Variants in IL1RAPL1 observed in about 807,000 individuals in gnomAD.
IL1RAPL1 encodes interleukin 1 receptor accessory protein like 1.
A neutral mutation model predicts 48.4 loss-of-function variants in IL1RAPL1; 3 were observed. That is an observed-to-expected ratio of 0.06 (90% CI 0.03 to 0.16). The LOEUF is 0.16. IL1RAPL1 is among the 10% of genes least tolerant of loss of function. The probability of loss-of-function intolerance (pLI) is 1.00; values close to 1 mark genes in which losing one functional copy is unlikely to be tolerated. For synonymous variants in IL1RAPL1, 185 were observed against 187.7 expected (o/e 0.99, Z 0.12); for missense variants, 349 against 530.6 (o/e 0.66, Z 3.36).
intron 2 of IL1RAPL1, among the ~76,000 whole-genome samples, chrX:29,231,037 A>G (rs1228389172): frequency 4.5e-5 from 5 of 112,131 alleles, no homozygotes; most frequent in Non-Finnish European, 9.4e-5. Flanking sequence ...CTGCTACAAG[A>G]TATTAGGATT....
rs554016465 is a variant in IL1RAPL1 at position 29,705,188 on chromosome X, T to G, written c.778+36684T>G. 3.6e-5 allele frequency among the ~76,000 whole-genome samples: 4 copies of G among 112,407 alleles called. No homozygotes were observed. The South Asian group carries it at 1.5e-3, about 41-fold the overall frequency. On this transcript the variant is annotated intron_variant, in intron 6 of 10. Transcript: ENST00000378993. ...AATAATAATGAGCAACTGTGCTTTA[T>G]ACACTATTTCGTGTCTATTACTTCT...
chrX:28,645,117 G>A (rs1934592076), intron 1 of IL1RAPL1, among the ~76,000 whole-genome samples: 1 of 109,753 alleles, frequency 9.1e-6, no homozygotes, highest in Non-Finnish European at 1.9e-5. Context: ...GGAGGCCGAG[G>A]TGGGTGGATC....
chrX:29,353,570 C>T (rs1438336027), intron 3 of IL1RAPL1, among the ~76,000 whole-genome samples: 4 of 110,919 alleles, frequency 3.6e-5, no homozygotes, highest in Non-Finnish European at 7.6e-5. Context: ...TACTTAGAAA[C>T]AATAGGGAAA....
intron 6 of IL1RAPL1, among the ~76,000 whole-genome samples, chrX:29,909,713 T>G (rs906050174): frequency 1.8e-5 from 2 of 111,906 alleles, no homozygotes; most frequent in Non-Finnish European, 3.8e-5. Context: ...ATGGCCATAC[T>G]GCCCAAAACA....
chrX:28,635,227 T>A (rs1264604631), intron 1 of IL1RAPL1, among the ~76,000 whole-genome samples: 1 of 112,256 alleles, frequency 8.9e-6, no homozygotes, highest in South Asian at 3.7e-4. Flanking sequence ...GTTTAAGCCA[T>A]TTTTTGTTTC....
At chrX:28,876,728 A>T (rs1922382487) in intron 2 of IL1RAPL1, among the ~76,000 whole-genome samples, 1 of 103,444 alleles carries the variant, frequency 9.7e-6, no homozygotes, top group Admixed American at 1.1e-4. Flanking sequence ...TATTGAATGA[A>T]ATGCACCCTC....
chrX:29,432,159 C>T (rs752756303), intron 5 of IL1RAPL1, among the ~76,000 whole-genome samples: 4 of 111,581 alleles, frequency 3.6e-5, no homozygotes, highest in Non-Finnish European at 7.6e-5. Context: ...TTCCCCTCAG[C>T]TTGACTAACT....
chrX:29,699,697 A>G (rs781361297), intron 6 of IL1RAPL1, among the ~76,000 whole-genome samples: 38 of 112,010 alleles, frequency 3.4e-4, no homozygotes, highest in African/African-American at 1.2e-3. Flanking sequence ...CCTAATCAAG[A>G]CTTTGTTCTG....
intron 1 of IL1RAPL1, among the ~76,000 whole-genome samples, chrX:28,700,585 G>T (rs1935284631): frequency 9.3e-6 from 1 of 108,007 alleles, no homozygotes; most frequent in African/African-American, 3.4e-5. Context: ...TGCAAAACGT[G>T]CAGGTTTGTT....
chrX:29,314,802 TA>T (rs779230603), intron 3 of IL1RAPL1, among the ~76,000 whole-genome samples: 43 of 112,456 alleles, frequency 3.8e-4, no homozygotes, highest in Non-Finnish European at 7.3e-4. Context: ...TCACAGTAGT[TA>T]CTCTTAAAGT....
intron 2 of IL1RAPL1, among the ~76,000 whole-genome samples, chrX:29,152,104 T>A (rs1313796139): frequency 1.8e-5 from 2 of 111,208 alleles, no homozygotes; most frequent in Non-Finnish European, 3.8e-5. Flanking sequence ...AGGAGCAAAG[T>A]CACGTCTTAC....
chrX:29,259,359 G>T (rs1235230166), intron 2 of IL1RAPL1, among the ~76,000 whole-genome samples: 1 of 111,215 alleles, frequency 9.0e-6, no homozygotes, highest in Non-Finnish European at 1.9e-5. Flanking sequence ...ACTGGATTTC[G>T]TAGTCAAATC....
chrX:28,689,879 T>C (rs1449893883), intron 1 of IL1RAPL1, among the ~76,000 whole-genome samples: 1 of 111,750 alleles, frequency 8.9e-6, no homozygotes, highest in East Asian at 2.8e-4. Context: ...AGTCTCCCAT[T>C]GGTAATTAAT....
intron 5 of IL1RAPL1, among the ~76,000 whole-genome samples, chrX:29,602,839 A>G (rs1187654922): frequency 8.9e-6 from 1 of 112,909 alleles, no homozygotes; most frequent in African/African-American, 3.2e-5. Context: ...TGTCCAATTA[A>G]AAGTAGATGC....
intron 1 of IL1RAPL1, among the ~76,000 whole-genome samples, chrX:28,737,121 CCTTCCTTCCTTCCTTCCTT>C (rs1569161727): frequency 0.01 from 747 of 71,702 alleles, 24 homozygotes; most frequent in African/African-American, 0.04. Flanking sequence ...TCTTTTCCTT[CCTTCCTTCCTTCCTTCCTT>C]CCTTCCTTCC....
chrX:28,617,532 C>T (rs770998189), intron 1 of IL1RAPL1, among the ~76,000 whole-genome samples: 1 of 111,843 alleles, frequency 8.9e-6, no homozygotes, highest in African/African-American at 3.2e-5. Flanking sequence ...AATATGGGAC[C>T]TCAAATATAG....
chrX:29,030,977 A>T (rs1176362581), intron 2 of IL1RAPL1, among the ~76,000 whole-genome samples: 1 of 111,786 alleles, frequency 8.9e-6, no homozygotes, highest in South Asian at 3.7e-4. Context: ...GAGAGTTTTT[A>T]AAATGTGTTT....
At chrX:28,904,640 C>T (rs1923170760) in intron 2 of IL1RAPL1, among the ~76,000 whole-genome samples, 1 of 111,893 alleles carries the variant, frequency 8.9e-6, no homozygotes, top group African/African-American at 3.2e-5. Context: ...TTTGTTAGAT[C>T]TGTAAGGATC....
chrX:28,682,193 G>GAT (rs1935067824), intron 1 of IL1RAPL1, among the ~76,000 whole-genome samples: 3 of 111,394 alleles, frequency 2.7e-5, no homozygotes, highest in African/African-American at 9.8e-5. Flanking sequence ...TTCATCTGTT[G>GAT]ATATATATAT....
Sources: gnomAD v4.1 joint callset for allele counts (sites outside exome capture counted in the v4.1 genomes callset) on GRCh38, gnomAD v4.1.1 for gene constraint, MANE v1.5 for transcripts, NCBI Gene and HGNC (gene_info 2026-07-23, HGNC 2026-07-21) for gene names.